Variants in BATF2 observed in about 807,000 individuals in gnomAD.
BATF2 encodes the protein basic leucine zipper transcriptional factor ATF-like 2.
A neutral mutation model predicts 7.3 loss-of-function variants in BATF2; 4 were observed. The ratio of observed to expected loss-of-function variants is 0.55; its 90% CI spans 0.27 to 1.26. BATF2 has a LOEUF of 1.26. BATF2 is among the 50% of genes most tolerant of loss of function. BATF2 has a pLI of 0.11. For synonymous variants in BATF2, 152 were observed against 153.9 expected (o/e 0.99, Z 0.09); for missense variants, 295 against 340.5 (o/e 0.87, Z 1.05).
At chr11:64,990,707 T>G (rs779950588) in intron 2 of BATF2, 230 of 765,894 alleles carry the variant, frequency 3.0e-4, no homozygotes, top group Non-Finnish European at 3.5e-4. Flanking sequence ...ACGACTTCCT[T>G]CAGTCCCCCA....
intron 2 of BATF2, chr11:64,990,062 G>T: frequency 6.5e-7 from 1 of 1,536,648 alleles, no homozygotes; most frequent in Non-Finnish European, 8.7e-7. Flanking sequence ...CTGAGCCGGT[G>T]CCATTTCTCA....
chr11:64,994,374 G>T, intron 2 of BATF2, 74 bp downstream of exon 2: 1 of 1,409,000 alleles, frequency 7.1e-7, no homozygotes, highest in African/African-American at 1.4e-5. Flanking sequence ...CTGCTCAAAG[G>T]TGGGATGGAG....
intron 2 of BATF2, chr11:64,990,052 C>A: frequency 6.5e-7 from 1 of 1,537,208 alleles, no homozygotes; most frequent in Non-Finnish European, 8.7e-7. Flanking sequence ...CACTAGTGCC[C>A]TGAGCCGGTG....
chr11:64,994,189 C>T (rs1470546622), intron 2 of BATF2, among the ~76,000 whole-genome samples: 1 of 152,170 alleles, frequency 6.6e-6, no homozygotes, highest in Non-Finnish European at 1.5e-5. Flanking sequence ...CCCTAGACTG[C>T]GGACACCTTA....
At position 64,996,904 on chromosome 11, in the gene BATF2, C is replaced by T. The variant is rs1402417863; in HGVS notation, c.11G>A (p.Cys4Tyr). 1 of 1,605,944 alleles carries T rather than the reference C, an allele frequency of 6.2e-7. No homozygotes were observed. The highest frequency in any genetic ancestry group is 1.7e-5 in the Admixed American group (1 of 59,188). Residue 4 changes from cysteine to tyrosine, a missense_variant, in exon 1 of 3, where the codon TGT (cysteine) becomes TAT (tyrosine). By Grantham distance (194) the Cys-to-Tyr change is radical. Transcript: ENST00000301887. The part of the protein sequence containing the change: MHL[C>Y]GGNGLLTQTD... The stretch of plus-strand genomic sequence containing the variant: ...CTGGGTCAGCAGCCCATTGCCCCCA[C>T]AGAGGTGCATGGCTTAGGCGGGGGA...
chr11:64,989,179 G>A lies in BATF2; in HGVS notation c.775C>T (p.His259Tyr). Reference sequence around the variant, plus strand: ...AGCAGAGGAAAGGCCAGGAGAGGGTGAGGGCTGGGATCCACAACCAGCCCT... The same window carrying A: ...AGCAGAGGAAAGGCCAGGAGAGGGTAAGGGCTGGGATCCACAACCAGCCCT... ...WQGLVVDPSP[H>Y]PLLAFPLLSS... Residue 259 changes from histidine to tyrosine, a missense_variant, in exon 3 of 3, where the codon CAC becomes TAC. His to Tyr is a moderately conservative substitution (Grantham distance 83). Transcript: ENST00000301887. The surrounding 1 kb of genome is among the most constrained non-coding windows in gnomAD (Gnocchi z 4.3). The A allele has an allele frequency of 6.2e-7, 1 of 1,614,190 alleles. No individual in the cohort carries two copies. The highest frequency in any genetic ancestry group is 8.5e-7 in the Non-Finnish European group (1 of 1,180,026).
intron 2 of BATF2, chr11:64,990,331 T>A: frequency 6.8e-7 from 1 of 1,467,464 alleles, no homozygotes; most frequent in Non-Finnish European, 9.0e-7. Context: ...CATTTCCTGT[T>A]TCCTCTGCCT....
intron 2 of BATF2, chr11:64,990,013 G>A: frequency 6.5e-7 from 1 of 1,532,232 alleles, no homozygotes; most frequent in Non-Finnish European, 8.8e-7. Context: ...CCTCTGAAGG[G>A]GGCTCAGATC....
chr11:64,990,401 T>C (rs1395087659), intron 2 of BATF2: 1 of 1,397,504 alleles, frequency 7.2e-7, no homozygotes, highest in Non-Finnish European at 9.3e-7. Flanking sequence ...CGTGGCAACC[T>C]TGATGTCATT....
chr11:64,991,152 A>ATTTTTTTTTTTTTTTTTTT, intron 2 of BATF2, among the ~76,000 whole-genome samples: 1 of 131,354 alleles, frequency 7.6e-6, no homozygotes. Context: ...TGGAATGATG[A>ATTTTTTTTTTTTTTTTTTT]ATTTTTTTTT....
At chr11:64,996,835 G>C in intron 1 of BATF2, 41 bp downstream of exon 1, 1 of 1,611,404 alleles carries the variant, frequency 6.2e-7, no homozygotes, top group Non-Finnish European at 8.5e-7. Context: ...CGGGATCCCA[G>C]CTCCCCTTCT....
rs1392739672 is a variant in BATF2 at position 64,988,310 on chromosome 11, C to T, written c.*819G>A. 6.6e-6 allele frequency: 1 copy of T among 152,338 alleles called. No homozygotes were observed. Among genetic ancestry groups the T allele is most frequent in the Non-Finnish European group, 1.5e-5 (1 of 68,162 alleles). 9.4% of individuals were successfully genotyped at this position (152,338 alleles called of 1,614,324 possible). On this transcript the variant is annotated 3_prime_UTR_variant, in exon 3 of 3. Transcript: ENST00000301887. ...AAGCCCATCCCTGCCTGCAAATAAC[C>T]TTGCACAGGGTCCTTCCTCATTCTT...
chr11:64,990,511 G>A lies in BATF2; in HGVS notation c.142-699C>T, dbSNP rs920740215. On this transcript the variant is annotated intron_variant, in intron 2 of 2. Coordinates refer to ENST00000301887, the MANE Select transcript of BATF2 (RefSeq NM_138456.4). Reference sequence around the variant, plus strand: ...CAGGGGATTGTTTTACAGGTTGACAGCATGAGTGTGTTCGATTCTGCATCC... The same window carrying A: ...CAGGGGATTGTTTTACAGGTTGACAACATGAGTGTGTTCGATTCTGCATCC... 2.9e-5 allele frequency: 34 copies of A among 1,161,886 alleles called. No homozygotes were observed. The South Asian group carries it at 5.4e-4, about 19-fold the overall frequency. 72.0% of individuals were successfully genotyped at this position (1,161,886 alleles called of 1,614,324 possible). A position where few individuals can be genotyped will look rare whatever the true frequency, so the allele number is the denominator to read the frequency against.
At chr11:64,990,166 A>C in intron 2 of BATF2, 1 of 1,535,738 alleles carries the variant, frequency 6.5e-7, no homozygotes, top group Non-Finnish European at 8.7e-7. Context: ...CATTAATTGC[A>C]GGTTAAAGCC....
intron 2 of BATF2, among the ~76,000 whole-genome samples, chr11:64,991,918 T>TC (rs929499199): frequency 1.3e-5 from 2 of 152,212 alleles, no homozygotes; most frequent in African/African-American, 4.8e-5. Flanking sequence ...AGGGTGCTGC[T>TC]CCCCACGCCT....
rs754654435 is a variant in BATF2 at position 64,989,783 on chromosome 11, G to A, written c.171C>T (p.Leu57=). 24 of 1,613,814 alleles carry A rather than the reference G, an allele frequency of 1.5e-5. No homozygotes were observed. Among genetic ancestry groups the A allele is most frequent in the African/African-American group, 2.7e-5 (2 of 74,940 alleles). Residue 57 remains leucine, a synonymous_variant, in exon 3 of 3, where the codon CTC becomes CTT. Coordinates refer to ENST00000301887, the MANE Select transcript of BATF2 (RefSeq NM_138456.4). This position sits in a 1 kb window ranked among gnomAD's most constrained non-coding sequence, Gnocchi z 4.3. The part of the protein sequence containing the change: ...QQHESLEKDN[L]ALRKEIQSLQ... ...GGGACTGGATCTCCTTCCGCAGGGC[G>A]AGGTTGTCTTTTTCCAGAGACTCGT...
chr11:64,990,806 T>G (rs1946069695), intron 2 of BATF2, among the ~76,000 whole-genome samples: 1 of 152,006 alleles, frequency 6.6e-6, no homozygotes, highest in South Asian at 2.1e-4. Flanking sequence ...AGTTCTTTTT[T>G]TTGAGATGGA....
At chr11:64,991,495 TTCACCTA>T (rs1237523949) in intron 2 of BATF2, among the ~76,000 whole-genome samples, 1 of 152,152 alleles carries the variant, frequency 6.6e-6, no homozygotes, top group Non-Finnish European at 1.5e-5. Context: ...TAGGCCACCC[TTCACCTA>T]AATTCTCCAA....
chr11:64,989,000 C>T lies in BATF2; in HGVS notation c.*129G>A, dbSNP rs578117635. 4,239 of 1,030,106 alleles carry T rather than the reference C, an allele frequency of 4.1e-3. 61 individuals are homozygous for T. Among genetic ancestry groups the T allele is most frequent in the Non-Finnish European group, 2.6e-3 (1,787 of 680,846 alleles). The allele number at this position is 1,030,106 out of a possible 1,614,324, so 63.8% of individuals were successfully genotyped here. A position where few individuals can be genotyped will look rare whatever the true frequency, so the allele number is the denominator to read the frequency against. On this transcript the variant is annotated 3_prime_UTR_variant, in exon 3 of 3. Transcript: ENST00000301887. ...GAGGCATCAGTGGTGGCTTCCTTTTCGACTGTGAAATCCTGGGCCAGCTGG... is the reference window on the plus strand; with the variant it reads ...GAGGCATCAGTGGTGGCTTCCTTTTTGACTGTGAAATCCTGGGCCAGCTGG...
Sources: allele counts gnomAD v4.1 joint callset (sites outside exome capture counted in the v4.1 genomes callset), GRCh38; gene constraint gnomAD v4.1.1; non-coding constraint Gnocchi (gnomAD v3.1); transcripts MANE v1.5; gene names NCBI Gene and HGNC (gene_info 2026-07-23, HGNC 2026-07-21).